The following NELL1 variants were observed in gnomAD, a reference collection of about 807,000 sequenced individuals.
NELL1 encodes the protein protein kinase C-binding protein NELL1.
In NELL1, 76 loss-of-function variants were observed where a neutral mutation model predicts 107.4. The ratio of observed to expected loss-of-function variants is 0.71; its 90% CI spans 0.59 to 0.86. The LOEUF (loss-of-function observed/expected upper bound fraction) is 0.86. Among genes scored for constraint, NELL1 ranks in the 40% least tolerant of loss-of-function variants. The pLI, the probability that NELL1 is intolerant of heterozygous loss-of-function variation, is 0.00. For missense variants in NELL1, 1,024 were observed against 1,005.5 expected (o/e 1.02, Z -0.25); for synonymous variants, 353 against 341.2 (o/e 1.03, Z -0.38).
chr11:20,755,533 G>GTTTTT (rs1564894850), intron 2 of NELL1, among the ~76,000 whole-genome samples: 3 of 60,630 alleles, frequency 4.9e-5, no homozygotes, highest in African/African-American at 1.3e-4. Flanking sequence ...GACCTGTGTG[G>GTTTTT]GTTTTTGTTT....
chr11:20,784,344 C>T (rs948618472), intron 3 of NELL1, among the ~76,000 whole-genome samples: 5 of 151,984 alleles, frequency 3.3e-5, no homozygotes, highest in African/African-American at 1.2e-4. Flanking sequence ...GTTGTGGTAG[C>T]CAAGAAATGC....
intron 4 of NELL1, among the ~76,000 whole-genome samples, chr11:20,867,103 TC>T (rs1829665032): frequency 6.6e-6 from 1 of 152,154 alleles, no homozygotes; most frequent in South Asian, 2.1e-4. Flanking sequence ...CATTAAATAC[TC>T]AGGGCCCCAA....
intron 12 of NELL1, among the ~76,000 whole-genome samples, chr11:20,998,474 CCA>C (rs1852140562): frequency 6.6e-6 from 1 of 151,290 alleles, no homozygotes; most frequent in Non-Finnish European, 1.5e-5. Context: ...ATTTTTTTTT[CCA>C]CAGTGAGGAT....
chr11:21,212,295 A>G (rs917717621), intron 13 of NELL1, among the ~76,000 whole-genome samples: 1 of 152,220 alleles, frequency 6.6e-6, no homozygotes, highest in Non-Finnish European at 1.5e-5. Context: ...TATCTGGCTC[A>G]TATAGTATGA....
At chr11:20,923,094 A>C (rs79607550) in intron 7 of NELL1, among the ~76,000 whole-genome samples, 6,436 of 152,244 alleles carry the variant, frequency 0.042, 199 homozygotes, top group East Asian at 0.1. Context: ...ACCCTAGTCT[A>C]GGAGTCCTGG....
intron 14 of NELL1, among the ~76,000 whole-genome samples, chr11:21,345,185 G>C (rs1177013712): frequency 6.6e-6 from 1 of 152,060 alleles, no homozygotes; most frequent in Non-Finnish European, 1.5e-5. Flanking sequence ...TGGGCTATTT[G>C]CCTCTTCTGC....
At chr11:20,866,821 T>C (rs1417447543) in intron 4 of NELL1, among the ~76,000 whole-genome samples, 1 of 152,220 alleles carries the variant, frequency 6.6e-6, no homozygotes, top group African/African-American at 2.4e-5. Context: ...ATGATGTCTC[T>C]CATTCTTTCC....
intron 15 of NELL1, among the ~76,000 whole-genome samples, chr11:21,448,319 T>G (rs954699459): frequency 3.9e-5 from 6 of 152,164 alleles, no homozygotes; most frequent in African/African-American, 7.2e-5. Flanking sequence ...TATTAAAATT[T>G]TTTTATGCTA....
At chr11:21,507,598 G>A (rs1373461996) in intron 15 of NELL1, among the ~76,000 whole-genome samples, 1 of 151,868 alleles carries the variant, frequency 6.6e-6, no homozygotes, top group African/African-American at 2.4e-5. Flanking sequence ...TATTTTGTGA[G>A]CATAGAAGAA....
chr11:21,110,171 C>T (rs968998348), intron 12 of NELL1, among the ~76,000 whole-genome samples: 1 of 152,110 alleles, frequency 6.6e-6, no homozygotes, highest in African/African-American at 2.4e-5. Flanking sequence ...GTACATTCAT[C>T]AACTTTTCAT....
chr11:21,320,396 A>G (rs1283925251), intron 14 of NELL1, among the ~76,000 whole-genome samples: 3 of 152,232 alleles, frequency 2.0e-5, no homozygotes, highest in Admixed American at 6.5e-5. Flanking sequence ...GTGCATTTAC[A>G]TCACCGTGAT....
At chr11:21,563,296 G>A (rs1053555868) in intron 17 of NELL1, among the ~76,000 whole-genome samples, 2 of 152,014 alleles carry the variant, frequency 1.3e-5, no homozygotes, top group African/African-American at 4.8e-5. Context: ...GACGTCCCCA[G>A]CTTATTCGTT....
At chr11:21,315,888 TGA>T (rs569569815) in intron 14 of NELL1, among the ~76,000 whole-genome samples, 4 of 32,244 alleles carry the variant, frequency 1.2e-4, no homozygotes, top group African/African-American at 6.4e-4. Context: ...GGTGGTGGTG[TGA>T]GTGTGTGTGT....
chr11:21,291,254 A>G (rs1430969952), intron 14 of NELL1, among the ~76,000 whole-genome samples: 2 of 152,206 alleles, frequency 1.3e-5, no homozygotes, highest in Non-Finnish European at 2.9e-5. Context: ...TATTAACGAT[A>G]TAATGAAATT....
At chr11:20,721,627 A>G (rs1460002064) in intron 2 of NELL1, among the ~76,000 whole-genome samples, 1 of 152,226 alleles carries the variant, frequency 6.6e-6, no homozygotes, top group Non-Finnish European at 1.5e-5. Context: ...GGAGATGGAA[A>G]GTACAATTCT....
At chr11:21,016,115 C>T (rs1210442679) in intron 12 of NELL1, among the ~76,000 whole-genome samples, 2 of 152,054 alleles carry the variant, frequency 1.3e-5, no homozygotes, top group African/African-American at 2.4e-5. Flanking sequence ...TAGCAGATAA[C>T]GAATATATCC....
chr11:21,463,857 C>G (rs897674009), intron 15 of NELL1, among the ~76,000 whole-genome samples: 1 of 152,064 alleles, frequency 6.6e-6, no homozygotes, highest in Non-Finnish European at 1.5e-5. Flanking sequence ...CTGGAAGACT[C>G]TAACCTGGAT....
intron 2 of NELL1, among the ~76,000 whole-genome samples, chr11:20,773,917 C>T (rs1270712670): frequency 2.6e-5 from 4 of 152,158 alleles, no homozygotes; most frequent in Non-Finnish European, 5.9e-5. Flanking sequence ...TCTGGTCCTG[C>T]TCCAGGTGAT....
chr11:21,460,148 T>C (rs1342843310), intron 15 of NELL1, among the ~76,000 whole-genome samples: 1 of 151,954 alleles, frequency 6.6e-6, no homozygotes, highest in Non-Finnish European at 1.5e-5. Context: ...TAATGGAAAG[T>C]ATTTGTAAAG....
Sources: allele counts gnomAD v4.1 joint callset (sites outside exome capture counted in the v4.1 genomes callset), GRCh38; gene constraint gnomAD v4.1.1; transcripts MANE v1.5; gene names NCBI Gene and HGNC (gene_info 2026-07-23, HGNC 2026-07-21).